The following XPO6 variants were observed in gnomAD, a reference collection of about 807,000 sequenced individuals.
The protein encoded by XPO6 is exportin 6.
In XPO6, 3 loss-of-function variants were observed where a neutral mutation model predicts 130.0. That is an observed-to-expected ratio of 0.02 (90% CI 0.01 to 0.06). The LOEUF (loss-of-function observed/expected upper bound fraction) is 0.06. XPO6 is among the 10% of genes least tolerant of loss of function. XPO6 has a pLI of 1.00. For missense variants in XPO6, 970 were observed against 1,393.0 expected (o/e 0.70, Z 4.83); for synonymous variants, 524 against 548.9 (o/e 0.95, Z 0.63).
chr16:28,177,877 A>C (rs1313700927), intron 2 of XPO6, among the ~76,000 whole-genome samples: 1 of 152,216 alleles, frequency 6.6e-6, no homozygotes, highest in Non-Finnish European at 1.5e-5. Flanking sequence ...GGTTGGTTTT[A>C]TTTTAAAACA....
chr16:28,104,858 A>C, intron 20 of XPO6, 151 bp from the exon 21 acceptor site: 1 of 872,896 alleles, frequency 1.1e-6, no homozygotes, highest in Non-Finnish European at 1.7e-6. Flanking sequence ...CGCAAAAGAC[A>C]TCCAGCCCCT....
At chr16:28,209,445 G>A (rs2044090135) in intron 1 of XPO6, among the ~76,000 whole-genome samples, 3 of 152,026 alleles carry the variant, frequency 2.0e-5, no homozygotes, top group Admixed American at 1.3e-4. Flanking sequence ...TTCAAGACCA[G>A]CCTGACCAAC....
chr16:28,098,618 T>A lies in XPO6; in HGVS notation c.3298A>T (p.Asn1100Tyr). The change falls in exon 24 of 24, where the codon AAT becomes TAT. Residue 1100 changes from asparagine to tyrosine, a missense_variant. Coordinates refer to ENST00000304658, the MANE Select transcript of XPO6 (RefSeq NM_015171.4). Reference protein sequence around the residue: ...MDRDLPSFTQNVHRLVNDLRY... With the variant: ...MDRDLPSFTQYVHRLVNDLRY... ...AGGTCGTTGACCAGCCTGTGCACAT[T>A]CTGGGTGAATGAGGGCAGGTCCTGG... 6.2e-7 allele frequency: 1 copy of A among 1,611,840 alleles called. No individual in the cohort carries two copies. The highest frequency in any genetic ancestry group is 8.5e-7 in the Non-Finnish European group (1 of 1,178,606).
chr16:28,150,230 T>C (rs953014829), intron 8 of XPO6, among the ~76,000 whole-genome samples: 1 of 152,108 alleles, frequency 6.6e-6, no homozygotes, highest in Non-Finnish European at 1.5e-5. Flanking sequence ...AAGGTCCTCA[T>C]ACAGGAGACA....
intron 8 of XPO6, among the ~76,000 whole-genome samples, chr16:28,150,647 A>T (rs2043069492): frequency 6.6e-6 from 1 of 152,022 alleles, no homozygotes; most frequent in Non-Finnish European, 1.5e-5. Flanking sequence ...ACACCAGAAG[A>T]CCCCATTTTA....
At chr16:28,099,916 C>T (rs2086619227) in intron 23 of XPO6, among the ~76,000 whole-genome samples, 1 of 152,202 alleles carries the variant, frequency 6.6e-6, no homozygotes, top group Non-Finnish European at 1.5e-5. Flanking sequence ...AAATGCCAAA[C>T]CAGAATTTCC....
chr16:28,167,347 G>T, intron 5 of XPO6: 3 of 985,396 alleles, frequency 3.0e-6, no homozygotes, highest in Non-Finnish European at 3.6e-6. Flanking sequence ...GCAGGAAACA[G>T]GCTGGAAATC....
chr16:28,134,695 A>C (rs1165459234), intron 10 of XPO6, among the ~76,000 whole-genome samples: 3 of 152,238 alleles, frequency 2.0e-5, no homozygotes, highest in Non-Finnish European at 4.4e-5. Context: ...TTAAAAAAAA[A>C]CACTGGAATT....
chr16:28,123,992 T>C (rs1034554419), intron 13 of XPO6, among the ~76,000 whole-genome samples: 1 of 151,738 alleles, frequency 6.6e-6, no homozygotes, highest in Non-Finnish European at 1.5e-5. Context: ...GATAGGGACC[T>C]ATCAAATGAT....
intron 15 of XPO6, 93 bp from the exon 16 acceptor site, chr16:28,113,143 T>C (rs1440756053): frequency 8.1e-6 from 12 of 1,477,870 alleles, no homozygotes; most frequent in East Asian, 2.4e-5. Context: ...GTGTCATTCT[T>C]GGTTTCCAAA....
chr16:28,132,527 T>C lies in XPO6; in HGVS notation c.1537-124A>G. 1 of 641,282 alleles carries C rather than the reference T, an allele frequency of 1.6e-6. No homozygotes were observed. Among genetic ancestry groups the C allele is most frequent in the Non-Finnish European group, 2.6e-6 (1 of 385,252 alleles). 39.7% of individuals were successfully genotyped at this position (641,282 alleles called of 1,614,324 possible). ...AGGAACAGGATCAAAACCTTTTCTCTGGGAACCTTTAAATGCAGCTAAAAA... is the reference window on the plus strand; with the variant it reads ...AGGAACAGGATCAAAACCTTTTCTCCGGGAACCTTTAAATGCAGCTAAAAA... On this transcript the variant is annotated intron_variant, in intron 11 of 23. Coordinates refer to ENST00000304658, the MANE Select transcript of XPO6 (RefSeq NM_015171.4). This position sits in a 1 kb window ranked among gnomAD's most constrained non-coding sequence, Gnocchi z 4.0.
At chr16:28,140,706 G>A (rs1490314864) in intron 9 of XPO6, among the ~76,000 whole-genome samples, 1 of 151,414 alleles carries the variant, frequency 6.6e-6, no homozygotes, top group Non-Finnish European at 1.5e-5. Context: ...TTTTTTGAGG[G>A]ATAAAGCTAA....
chr16:28,186,817 C>A (rs1425644073), intron 1 of XPO6, among the ~76,000 whole-genome samples: 1 of 152,128 alleles, frequency 6.6e-6, no homozygotes, highest in Non-Finnish European at 1.5e-5. Context: ...AGACTATAGG[C>A]ACATGCCATC....
At chr16:28,099,090 C>G (rs1425127887) in intron 23 of XPO6, among the ~76,000 whole-genome samples, 1 of 152,208 alleles carries the variant, frequency 6.6e-6, no homozygotes, top group Non-Finnish European at 1.5e-5. Context: ...ACCATGGCCC[C>G]TTGAGGTGAC....
At chr16:28,145,709 A>C (rs2042970553) in intron 9 of XPO6, among the ~76,000 whole-genome samples, 1 of 152,178 alleles carries the variant, frequency 6.6e-6, no homozygotes, top group South Asian at 2.1e-4. Flanking sequence ...TCACCAACAC[A>C]TGGGCAGCCT....
chr16:28,111,398 A>G (rs1459625995), intron 17 of XPO6: 1 of 154,190 alleles, frequency 6.5e-6, no homozygotes, highest in African/African-American at 2.4e-5. Context: ...GTATTTGGAA[A>G]AAGGTTGAAA....
intron 1 of XPO6, among the ~76,000 whole-genome samples, chr16:28,197,118 G>A (rs1480624274): frequency 2.0e-5 from 3 of 152,018 alleles, no homozygotes; most frequent in East Asian, 1.9e-4. Context: ...CGGGTGTGAT[G>A]GCTAACACCT....
chr16:28,171,242 C>T (rs924836673), intron 4 of XPO6, among the ~76,000 whole-genome samples: 1 of 151,904 alleles, frequency 6.6e-6, no homozygotes, highest in Non-Finnish European at 1.5e-5. Context: ...CACTTGAGGT[C>T]AGCAGTTCGA....
chr16:28,177,301 T>A lies in XPO6; in HGVS notation c.126A>T (p.Ile42=). ...AGTACAGGCAGAATCTCCAGGCTCC[T>A]ATTTGCTGGGCAAAGTTATTAAGAA... ...EELLNNFAQQ[I]GAWRFCLYFL... is the part of the protein sequence containing the mutation. The change falls in exon 3 of 24, where the codon ATA becomes ATT. Residue 42 remains isoleucine, a synonymous_variant. Coordinates refer to ENST00000304658, the MANE Select transcript of XPO6 (RefSeq NM_015171.4). The A allele has an allele frequency of 6.2e-7, 1 of 1,613,056 alleles. No individual in the cohort carries two copies.
Sources: allele counts gnomAD v4.1 joint callset (sites outside exome capture counted in the v4.1 genomes callset), GRCh38; gene constraint gnomAD v4.1.1; non-coding constraint Gnocchi (gnomAD v3.1); transcripts MANE v1.5; gene names NCBI Gene and HGNC (gene_info 2026-07-23, HGNC 2026-07-21).